C13orf42: variants seen among roughly 807,000 people sequenced by gnomAD.
C13orf42 encodes uncharacterized protein C13orf42.
chr13:51,141,095 GGTGTGTGTGTGTGTGTGTGT>G (rs3043870), intron 1 of C13orf42, among the ~76,000 whole-genome samples: 5 of 128,498 alleles, frequency 3.9e-5, no homozygotes, highest in African/African-American at 8.9e-5. Context: ...ATCGAAGGGA[GGTGTGTGTGTGTGTGTGTGT>G]GTGTGTGTGT....
chr13:51,125,153 C>T (rs1016883040), intron 1 of C13orf42, among the ~76,000 whole-genome samples: 3 of 152,042 alleles, frequency 2.0e-5, no homozygotes, highest in Admixed American at 6.5e-5. Context: ...CTCTGCTGGG[C>T]GAAGGTGCCA....
chr13:51,165,481 G>A (rs1344360730), intron 1 of C13orf42, among the ~76,000 whole-genome samples: 1 of 152,154 alleles, frequency 6.6e-6, no homozygotes, highest in Non-Finnish European at 1.5e-5. Context: ...TAAACCCAGG[G>A]ACTAGGACCT....
chr13:51,133,147 T>G (rs893515951), intron 1 of C13orf42, among the ~76,000 whole-genome samples: 1 of 152,186 alleles, frequency 6.6e-6, no homozygotes, highest in Non-Finnish European at 1.5e-5. Flanking sequence ...TTCCTCTACT[T>G]TCTTAATAAA....
At chr13:51,118,542 G>A (rs977117206) in intron 1 of C13orf42, among the ~76,000 whole-genome samples, 3 of 152,216 alleles carry the variant, frequency 2.0e-5, no homozygotes, top group African/African-American at 7.2e-5. Context: ...TCAACACTGG[G>A]GCAGAGAGTG....
At chr13:51,151,461 C>G (rs1953777097) in intron 1 of C13orf42, among the ~76,000 whole-genome samples, 2 of 152,162 alleles carry the variant, frequency 1.3e-5, no homozygotes, top group African/African-American at 2.4e-5. Flanking sequence ...ACCCTGCGGA[C>G]ACCTTGATTT....
At chr13:51,121,567 A>T (rs1231890318) in intron 1 of C13orf42, among the ~76,000 whole-genome samples, 6 of 134,850 alleles carry the variant, frequency 4.4e-5, no homozygotes, top group Non-Finnish European at 4.6e-5. Context: ...ACAGAGTCTC[A>T]CTCTGCTGCC....
intron 1 of C13orf42, among the ~76,000 whole-genome samples, chr13:51,126,548 A>C (rs1328913982): frequency 6.6e-6 from 1 of 152,210 alleles, no homozygotes; most frequent in African/African-American, 2.4e-5. Flanking sequence ...AATTGTCCAC[A>C]TGCATCCAGG....
chr13:51,109,441 C>T lies in C13orf42; in HGVS notation c.414+1355G>A, dbSNP rs1953401661. Among the ~76,000 whole-genome samples the T allele has an allele frequency of 2.6e-5, 4 of 152,146 alleles. No individual in the cohort carries two copies. The South Asian group carries it at 8.3e-4, about 32-fold the overall frequency. ...TATACAACAAAACAGCCTTAACCTA[C>T]GGGCATTAGAAATAAATAAAAGCTG... On this transcript the variant is annotated intron_variant, in intron 1 of 3. Transcript: ENST00000563710.
chr13:51,153,325 C>A (rs1334414960), intron 1 of C13orf42, among the ~76,000 whole-genome samples: 1 of 151,992 alleles, frequency 6.6e-6, no homozygotes, highest in Non-Finnish European at 1.5e-5. Flanking sequence ...GGCATGCACC[C>A]CCTGCATGCC....
chr13:51,157,930 C>T lies in C13orf42; in HGVS notation n.136+14323G>A, dbSNP rs376433561. 3.1e-4 allele frequency among the ~76,000 whole-genome samples: 47 copies of T among 152,260 alleles called. No individual in the cohort carries two copies. In the South Asian group the frequency reaches 4.2e-3, roughly 13 times the overall value. On this transcript the variant is annotated intron_variant and non_coding_transcript_variant, in intron 1 of 4. Coordinates refer to the C13orf42 transcript ENST00000433280. ...AAAGAGGAAAGAGGAAGGCGTGCAGCCTTAAAGTGAGTTTAGGACAAGCTC... is the reference window on the plus strand; with the variant it reads ...AAAGAGGAAAGAGGAAGGCGTGCAGTCTTAAAGTGAGTTTAGGACAAGCTC...
chr13:51,101,705 C>G (rs1462461296), intron 1 of C13orf42, among the ~76,000 whole-genome samples: 1 of 152,190 alleles, frequency 6.6e-6, no homozygotes, highest in African/African-American at 2.4e-5. Context: ...TGCCTCTGCT[C>G]AATGAGCTCA....
chr13:51,140,375 A>G (rs753534046), intron 1 of C13orf42, among the ~76,000 whole-genome samples: 2 of 152,196 alleles, frequency 1.3e-5, no homozygotes, highest in Admixed American at 6.5e-5. Context: ...TGAGGCTGTG[A>G]CACGAGCACG....
At chr13:51,152,645 G>A (rs1345845850) in intron 1 of C13orf42, among the ~76,000 whole-genome samples, 1 of 152,146 alleles carries the variant, frequency 6.6e-6, no homozygotes, top group East Asian at 1.9e-4. Context: ...TTCAGCTCTA[G>A]CATTCTGATA....
chr13:51,149,945 A>G (rs1953766755), intron 1 of C13orf42, among the ~76,000 whole-genome samples: 1 of 152,236 alleles, frequency 6.6e-6, no homozygotes, highest in Non-Finnish European at 1.5e-5. Context: ...CTCTTCCCAG[A>G]AAACAGTAGA....
At chr13:51,104,831 G>A (rs1327858932) in intron 1 of C13orf42, among the ~76,000 whole-genome samples, 1 of 149,718 alleles carries the variant, frequency 6.7e-6, no homozygotes, top group Admixed American at 6.7e-5. Flanking sequence ...GGTGAGAAAA[G>A]AGAGAAGTAA....
intron 1 of C13orf42, among the ~76,000 whole-genome samples, chr13:51,097,682 C>A (rs1381406029): frequency 6.6e-6 from 1 of 151,758 alleles, no homozygotes; most frequent in African/African-American, 2.4e-5. Context: ...TAGGTGAAAC[C>A]CAAAAGTCTT....
intron 1 of C13orf42, among the ~76,000 whole-genome samples, chr13:51,088,413 C>T (rs1169350569): frequency 6.6e-6 from 1 of 152,080 alleles, no homozygotes; most frequent in South Asian, 2.1e-4. Context: ...GGAGATTGTA[C>T]AGTTCCTTAA....
At chr13:51,110,074 C>T (rs1270215412) in intron 1 of C13orf42, among the ~76,000 whole-genome samples, 1 of 152,222 alleles carries the variant, frequency 6.6e-6, no homozygotes, top group Non-Finnish European at 1.5e-5. Flanking sequence ...GACACAGACT[C>T]TCTCCGTGTC....
intron 1 of C13orf42, among the ~76,000 whole-genome samples, chr13:51,144,947 T>C (rs112115940): frequency 0.012 from 1,781 of 152,314 alleles, 13 homozygotes; most frequent in Non-Finnish European, 0.014. Flanking sequence ...CAAACCAGTC[T>C]TACCATGATT....
Sources: gnomAD v4.1 joint callset for allele counts (sites outside exome capture counted in the v4.1 genomes callset) on GRCh38, gnomAD v4.1.1 for gene constraint, MANE v1.5 for transcripts, NCBI Gene and HGNC (gene_info 2026-07-23, HGNC 2026-07-21) for gene names.